The following VPS37A variants were observed in gnomAD, a reference collection of about 807,000 sequenced individuals.
VPS37A encodes the protein VPS37A subunit of ESCRT-I.
A neutral mutation model predicts 49.8 loss-of-function variants in VPS37A; 30 were observed. The observed-to-expected ratio is 0.60, with a 90% CI of 0.45 to 0.82. The LOEUF (loss-of-function observed/expected upper bound fraction) is 0.82. VPS37A is among the 40% of genes least tolerant of loss of function. The pLI, the probability that VPS37A is intolerant of heterozygous loss-of-function variation, is 0.00. For missense variants in VPS37A, 593 were observed against 464.4 expected (o/e 1.28, Z -2.55); for synonymous variants, 195 against 160.6 (o/e 1.21, Z -1.62).
At chr8:17,319,646 A>G in the VPS37A span, among the ~76,000 whole-genome samples, 1 of 152,164 alleles carries the variant, frequency 6.6e-6, no homozygotes, top group African/African-American at 2.4e-5. Context: ...TCCTCAAACA[A>G]TCATTCTGAG....
downstream of VPS37A, chr8:17,306,086 C>T: frequency 1.4e-6 from 1 of 725,778 alleles, no homozygotes; most frequent in Non-Finnish European, 2.2e-6. Flanking sequence ...CTTGGAATGA[C>T]AAAAAAGGTA....
intron 10 of VPS37A, 114 bp downstream of exon 10, chr8:17,284,730 T>A (rs1377634767): frequency 1.3e-5 from 16 of 1,266,778 alleles, no homozygotes; most frequent in Non-Finnish European, 1.6e-5. Context: ...TCCCCCTTTT[T>A]TTGTACAATA....
chr8:17,313,986 G>A, the VPS37A span, among the ~76,000 whole-genome samples: 1 of 152,168 alleles, frequency 6.6e-6, no homozygotes, highest in Non-Finnish European at 1.5e-5. Context: ...CAATTCTAGA[G>A]CATCAGGGTA....
chr8:17,306,236 A>C (rs1450069842), downstream of VPS37A, among the ~76,000 whole-genome samples: 1 of 152,174 alleles, frequency 6.6e-6, no homozygotes, highest in African/African-American at 2.4e-5. Context: ...CCACAGAAAA[A>C]GGGCATTTTT....
chr8:17,300,335 A>G (rs1817033909), downstream of VPS37A: 1 of 1,200,554 alleles, frequency 8.3e-7, no homozygotes, highest in Non-Finnish European at 1.1e-6. Flanking sequence ...TGTTAAGAAC[A>G]TGTGACTCAG....
At chr8:17,285,570 G>A (rs1046791283) in intron 10 of VPS37A, among the ~76,000 whole-genome samples, 42 of 152,104 alleles carry the variant, frequency 2.8e-4, no homozygotes, top group African/African-American at 1.0e-3. Flanking sequence ...TGAAACATCT[G>A]TGAGACATAC....
At position 17,284,469 on chromosome 8, in the gene VPS37A, T is replaced by G. The variant is rs1296600361; in HGVS notation, c.970-4T>G. ...TTAAAGTAGTGCCTGATTTTCTTTTTCAGAGCTGTAGTGCAAGTGCCCTTC... is the reference window on the plus strand; with the variant it reads ...TTAAAGTAGTGCCTGATTTTCTTTTGCAGAGCTGTAGTGCAAGTGCCCTTC... On this transcript the variant is annotated splice_polypyrimidine_tract_variant and splice_region_variant and intron_variant, in intron 9 of 11. Coordinates refer to ENST00000324849, the MANE Select transcript of VPS37A (RefSeq NM_152415.3). 36 of 1,556,822 alleles carry G rather than the reference T, an allele frequency of 2.3e-5. No homozygotes were observed. Among genetic ancestry groups the G allele is most frequent in the Non-Finnish European group, 2.9e-5 (34 of 1,162,116 alleles).
chr8:17,280,570 A>G, intron 9 of VPS37A, 127 bp downstream of exon 9: 1 of 814,174 alleles, frequency 1.2e-6, no homozygotes, highest in East Asian at 2.8e-5. Flanking sequence ...AAGACATGAT[A>G]CCTTTAAACG....
chr8:17,307,509 C>T, the VPS37A span, among the ~76,000 whole-genome samples: 1 of 152,070 alleles, frequency 6.6e-6, no homozygotes, highest in Non-Finnish European at 1.5e-5. Flanking sequence ...CTAGAAATAC[C>T]ATTTGACCCA....
In VPS37A at chr8:17,280,040, C is replaced by G. The variant is rs777081901; in HGVS notation, c.726C>G (p.Leu242=). The stretch of plus-strand genomic sequence containing the variant: ...TTTGTGTTTCTAGTGTGTCACAACT[C>G]ACAGATATGAATGAACAAGAGGAGG... ...PELSELSVSQ[L]TDMNEQEEVL... Residue 242 remains leucine (L), a synonymous_variant, in exon 7 of 12, where the codon CTC becomes CTG. Transcript: ENST00000324849. 1 of 1,610,822 alleles carries G rather than the reference C, an allele frequency of 6.2e-7. No homozygotes were observed. The highest frequency in any genetic ancestry group is 8.5e-7 in the Non-Finnish European group (1 of 1,178,566).
In VPS37A at chr8:17,280,500, A is replaced by C. The variant is rs1227012150; in HGVS notation, c.969+57A>C. 5 of 1,451,802 alleles carry C rather than the reference A, an allele frequency of 3.4e-6. No homozygotes were observed. The East Asian group carries it at 1.1e-4, about 33-fold the overall frequency. 89.9% of individuals were successfully genotyped at this position (1,451,802 alleles called of 1,614,324 possible). A position where few individuals can be genotyped will look rare whatever the true frequency, so the allele number is the denominator to read the frequency against. On this transcript the variant is annotated intron_variant, in intron 9 of 11. Coordinates refer to ENST00000324849, the MANE Select transcript of VPS37A (RefSeq NM_152415.3). ...AGATTTTTTTTTTAATCTTATGTGCATGAGTCCTGATCTCACTTTCATTAT... is the reference window on the plus strand; with the variant it reads ...AGATTTTTTTTTTAATCTTATGTGCCTGAGTCCTGATCTCACTTTCATTAT...
intron 4 of VPS37A, among the ~76,000 whole-genome samples, chr8:17,273,983 G>A (rs1387246803): frequency 1.3e-5 from 2 of 152,066 alleles, no homozygotes; most frequent in East Asian, 1.9e-4. Context: ...TAAACTCACT[G>A]TATTATTCAT....
At chr8:17,252,638 A>T (rs1433048643) in intron 1 of VPS37A, among the ~76,000 whole-genome samples, 1 of 152,190 alleles carries the variant, frequency 6.6e-6, no homozygotes, top group Non-Finnish European at 1.5e-5. Flanking sequence ...CATTTGCTTC[A>T]AGCTGAAGAG....
chr8:17,270,329 C>T (rs1480560395), intron 4 of VPS37A, among the ~76,000 whole-genome samples: 4 of 152,090 alleles, frequency 2.6e-5, no homozygotes, highest in Admixed American at 2.6e-4. Flanking sequence ...TGGTTAGGGA[C>T]CAGTGGCGAT....
In VPS37A at chr8:17,256,945, A is replaced by G. The variant is rs183303284; in HGVS notation, c.126-8962A>G. ...TTTTTAGCTTGATGTAATCCCATTTATCTGTTTCTGCTTTAGATGCCTGTG... is the reference window on the plus strand; with the variant it reads ...TTTTTAGCTTGATGTAATCCCATTTGTCTGTTTCTGCTTTAGATGCCTGTG... On this transcript the variant is annotated intron_variant, in intron 1 of 11. Transcript: ENST00000324849. Among the ~76,000 whole-genome samples, 118 of 152,184 alleles carry G rather than the reference A, an allele frequency of 7.8e-4. 1 individual carries two copies. Among genetic ancestry groups the G allele is most frequent in the Middle Eastern group, 3.4e-3 (1 of 294 alleles).
intron 4 of VPS37A, chr8:17,271,993 C>G (rs971615747): frequency 8.5e-5 from 39 of 456,586 alleles, no homozygotes; most frequent in Non-Finnish European, 1.5e-4. Context: ...TTTACTACAG[C>G]CAGCTAGAAA....
chr8:17,258,818 T>G (rs1812718635), intron 1 of VPS37A, among the ~76,000 whole-genome samples: 1 of 152,096 alleles, frequency 6.6e-6, no homozygotes, highest in Non-Finnish European at 1.5e-5. Flanking sequence ...AGTTTTCTAT[T>G]TTATCATGGT....
chr8:17,254,959 A>T (rs1012474681), intron 1 of VPS37A, among the ~76,000 whole-genome samples: 5 of 152,146 alleles, frequency 3.3e-5, no homozygotes, highest in African/African-American at 1.2e-4. Context: ...TATAAACGTT[A>T]CTTGAGTTAC....
intron 1 of VPS37A, among the ~76,000 whole-genome samples, chr8:17,251,278 C>T (rs1025378369): frequency 6.6e-6 from 1 of 152,190 alleles, no homozygotes; most frequent in Admixed American, 6.5e-5. Context: ...GCAATAGTAA[C>T]AAATGACTGG....
Sources: gnomAD v4.1 joint callset for allele counts (sites outside exome capture counted in the v4.1 genomes callset) on GRCh38, gnomAD v4.1.1 for gene constraint, MANE v1.5 for transcripts, NCBI Gene and HGNC (gene_info 2026-07-23, HGNC 2026-07-21) for gene names.